Variants in CD72 observed in about 807,000 individuals in gnomAD.
The protein encoded by CD72 is B-cell differentiation antigen CD72.
In CD72, 28 loss-of-function variants were observed where a neutral mutation model predicts 50.7. The observed-to-expected ratio is 0.55, with a 90% CI of 0.41 to 0.76. The LOEUF is 0.76. CD72 is among the 30% of genes least tolerant of loss of function. The pLI is 0.00. For synonymous variants in CD72, 176 were observed against 171.2 expected, an observed-to-expected ratio of 1.03 and a Z score of -0.22; for missense variants, 403 against 420.6, an observed-to-expected ratio of 0.96 and a Z score of 0.37.
intron 1 of CD72, among the ~76,000 whole-genome samples, chr9:35,627,943 C>T (rs1236057418): frequency 6.6e-6 from 1 of 152,022 alleles, no homozygotes; most frequent in Non-Finnish European, 1.5e-5. Context: ...TCAAGTGACC[C>T]TCCCACCTTA....
chr9:35,616,546 A>G (rs1823066681), intron 4 of CD72, 54 bp downstream of exon 4: 1 of 1,351,516 alleles, frequency 7.4e-7, no homozygotes, highest in East Asian at 2.3e-5. Flanking sequence ...TTGGGGCGAG[A>G]GTCGGGACGA....
upstream of CD72, among the ~76,000 whole-genome samples, chr9:35,620,992 C>T (rs3763628): frequency 5.9e-4 from 90 of 152,312 alleles, no homozygotes; most frequent in East Asian, 0.014. Flanking sequence ...CAGCTTGTAG[C>T]CTTCCTTTGT....
At chr9:35,610,925 C>A (rs1005331684) in intron 7 of CD72, among the ~76,000 whole-genome samples, 172 bp from the exon 8 acceptor site, 1 of 152,124 alleles carries the variant, frequency 6.6e-6, no homozygotes, top group Non-Finnish European at 1.5e-5. Context: ...ACTTTAGAAC[C>A]AGCAGAGGGA....
chr9:35,617,291 T>C, intron 2 of CD72, 44 bp from the exon 3 acceptor site: 2 of 1,510,758 alleles, frequency 1.3e-6, no homozygotes, highest in South Asian at 2.6e-5. Context: ...GCCCCGAGTG[T>C]TGCCCCTTCT....
chr9:35,610,722 C>T lies in CD72; in HGVS notation c.982G>A (p.Val328Ile), dbSNP rs1341665536. 1.9e-6 allele frequency: 3 copies of T among 1,612,418 alleles called. No individual in the cohort carries two copies. Among genetic ancestry groups the T allele is most frequent in the Non-Finnish European group, 2.5e-6 (3 of 1,178,640 alleles). The change falls in exon 8 of 9, where the codon GTA becomes ATA. Residue 328 changes from valine (V) to isoleucine (I), a missense_variant. Val to Ile is a conservative substitution (Grantham distance 29). Transcript: ENST00000259633. ...TYAQSSKCNK[V>I]HKTWSWWTLE... ...GTCCACCATGACCAAGTTTTATGTA[C>T]CTTGTTACATTTTGAGCTTTGAGCA...
chr9:35,612,755 C>T (rs781730702), intron 6 of CD72, 93 bp downstream of exon 6: 2 of 1,211,962 alleles, frequency 1.7e-6, no homozygotes, highest in Admixed American at 2.0e-5. Flanking sequence ...AATGGCCACC[C>T]CAGCCATGTG....
At chr9:35,612,685 G>A (rs1823004747) in intron 6 of CD72, 163 bp downstream of exon 6, 2 of 667,164 alleles carry the variant, frequency 3.0e-6, no homozygotes, top group Non-Finnish European at 5.2e-6. Context: ...AGATGCAGAG[G>A]TTGTTTCCAA....
chr9:35,643,877 T>C (rs1214084499), intron 1 of CD72, among the ~76,000 whole-genome samples: 2 of 150,438 alleles, frequency 1.3e-5, no homozygotes, highest in East Asian at 3.9e-4. Flanking sequence ...ACTCCAGAGG[T>C]TGGGAGGCTG....
chr9:35,618,573 G>T (rs1823105439), upstream of CD72: 1 of 748,252 alleles, frequency 1.3e-6, no homozygotes, highest in Admixed American at 2.3e-5. Flanking sequence ...TAGGGGATGG[G>T]CCTGTCCCCA....
intron 1 of CD72, among the ~76,000 whole-genome samples, chr9:35,631,474 T>C (rs995987108): frequency 3.3e-5 from 5 of 152,244 alleles, no homozygotes; most frequent in Admixed American, 2.6e-4. Flanking sequence ...GTCTTTATTA[T>C]ATTTAAGCAG....
At chr9:35,643,835 G>A (rs771713860) in intron 1 of CD72, among the ~76,000 whole-genome samples, 5 of 151,626 alleles carry the variant, frequency 3.3e-5, no homozygotes, top group South Asian at 2.1e-4. Flanking sequence ...AAAATTAGCC[G>A]GGCGTATTGG....
upstream of CD72, among the ~76,000 whole-genome samples, chr9:35,621,001 G>A (rs1353851976): frequency 6.6e-6 from 1 of 152,116 alleles, no homozygotes; most frequent in East Asian, 1.9e-4. Flanking sequence ...GCCTTCCTTT[G>A]TGAACAGGGT....
At chr9:35,622,753 C>G (rs1823156373), upstream of CD72, among the ~76,000 whole-genome samples, 1 of 151,834 alleles carries the variant, frequency 6.6e-6, no homozygotes, top group Admixed American at 6.6e-5. Flanking sequence ...TGCCACTGCA[C>G]TCCAGCCTGG....
chr9:35,616,693 AG>A lies in CD72; in HGVS notation c.263-5del, dbSNP rs1354288213. ...TATCGCAGGCAGGTTGTGCGGCCTTAGGGGGACAGTGGGATGGATGAGGGCA... is the reference window on the plus strand; with the variant it reads ...TATCGCAGGCAGGTTGTGCGGCCTTAGGGGACAGTGGGATGGATGAGGGCA... On this transcript the variant is annotated splice_polypyrimidine_tract_variant and splice_region_variant and intron_variant, in intron 3 of 8. Coordinates refer to ENST00000259633, the MANE Select transcript of CD72 (RefSeq NM_001782.3). The A allele has an allele frequency of 2.5e-6, 4 of 1,611,600 alleles. No individual in the cohort carries two copies. Among genetic ancestry groups the A allele is most frequent in the Non-Finnish European group, 3.4e-6 (4 of 1,178,536 alleles).
chr9:35,638,120 G>A (rs944557387), intron 1 of CD72, among the ~76,000 whole-genome samples: 8 of 152,112 alleles, frequency 5.3e-5, no homozygotes, highest in Non-Finnish European at 1.5e-5. Context: ...GTCGAAAAAT[G>A]GGCAAATGGT....
chr9:35,616,188 G>A lies in CD72; in HGVS notation c.443C>T (p.Thr148Met), dbSNP rs558020346. 42 of 1,614,094 alleles carry A rather than the reference G, an allele frequency of 2.6e-5. No individual in the cohort carries two copies. In the African/African-American group the frequency reaches 3.5e-4, roughly 13 times the overall value. ...SLRQQLRLKI[T>M]QLGQSAEDLQ... The stretch of plus-strand genomic sequence containing the variant: ...ATCCTCTGCACTCTGTCCCAGCTGC[G>A]TTATCTTGAGGCGGAGCTGCTGCCT... The change falls in exon 5 of 9, where the codon ACG becomes ATG. Residue 148 changes from threonine to methionine, a missense_variant. Thr to Met is a moderately conservative substitution (Grantham distance 81, BLOSUM62 -1). Coordinates refer to ENST00000259633, the MANE Select transcript of CD72 (RefSeq NM_001782.3).
At chr9:35,645,797 G>A (rs2131796777) in intron 1 of CD72, among the ~76,000 whole-genome samples, 1 of 152,190 alleles carries the variant, frequency 6.6e-6, no homozygotes, top group East Asian at 1.9e-4. Context: ...AGAGACTACA[G>A]AGCAGGGCCA....
At chr9:35,622,771 A>G (rs1823156489), upstream of CD72, among the ~76,000 whole-genome samples, 1 of 150,770 alleles carries the variant, frequency 6.6e-6, no homozygotes, top group African/African-American at 2.4e-5. Flanking sequence ...TGGGTGACAG[A>G]GCGAGACTCT....
rs185527856 is a variant in CD72, at chr9:35,632,718, A to C, written n.408+13685T>G. 5.8e-3 allele frequency among the ~76,000 whole-genome samples: 871 copies of C among 150,886 alleles called. 7 individuals carry two copies. The highest frequency in any genetic ancestry group is 7.9e-3 in the Non-Finnish European group (536 of 67,762). Reference sequence around the variant, plus strand: ...CAGCCTCCCAAGTAGCTGGGGTTACAGGTGTCTGCCACTGCACCCTGCTAA... The same window carrying C: ...CAGCCTCCCAAGTAGCTGGGGTTACCGGTGTCTGCCACTGCACCCTGCTAA... On this transcript the variant is annotated intron_variant and non_coding_transcript_variant, in intron 1 of 3. Coordinates refer to the CD72 transcript ENST00000465754.
Sources: gnomAD v4.1 joint callset for allele counts (sites outside exome capture counted in the v4.1 genomes callset) on GRCh38, gnomAD v4.1.1 for gene constraint, MANE v1.5 for transcripts, NCBI Gene and HGNC (gene_info 2026-07-23, HGNC 2026-07-21) for gene names.